Variants in CATSPERG observed in about 807,000 individuals in gnomAD.
CATSPERG encodes the protein catsper channel auxiliary subunit gamma, also known as cation channel sperm-associated auxiliary subunit gamma.
Under a neutral mutation model 145.0 loss-of-function variants are expected in CATSPERG, and 115 were observed. The observed-to-expected ratio is 0.79, with a 90% CI of 0.68 to 0.93. The LOEUF (loss-of-function observed/expected upper bound fraction) is 0.93. CATSPERG is among the 40% of genes least tolerant of loss of function. CATSPERG has a pLI of 0.00. For synonymous variants in CATSPERG, 588 were observed against 589.0 expected (o/e 1.00, Z 0.02); for missense variants, 1,296 against 1,490.1 (o/e 0.87, Z 2.14).
At chr19:38,369,840 G>C in intron 26 of CATSPERG, 132 bp from the exon 27 acceptor site, 2 of 808,518 alleles carry the variant, frequency 2.5e-6, no homozygotes, top group Admixed American at 1.8e-5. Context: ...AGTGAATGAA[G>C]GAATGAATGA....
At chr19:38,341,425 T>C (rs991880905) in intron 3 of CATSPERG, among the ~76,000 whole-genome samples, 1 of 152,144 alleles carries the variant, frequency 6.6e-6, no homozygotes, top group Admixed American at 6.5e-5. Flanking sequence ...TCCTCTGCAA[T>C]GGGAACTCAG....
chr19:38,359,721 T>G lies in CATSPERG; in HGVS notation c.1608+140T>G. 9 of 1,398,046 alleles carry G rather than the reference T, an allele frequency of 6.4e-6. No individual in the cohort carries two copies. The South Asian group carries it at 1.0e-4, about 16-fold the overall frequency. The allele number at this position is 1,398,046 out of a possible 1,614,324, so 86.6% of individuals were successfully genotyped here. On this transcript the variant is annotated intron_variant, in intron 14 of 28. Coordinates refer to ENST00000409235, the MANE Select transcript of CATSPERG (RefSeq NM_021185.5). ...CTGAGAAAGGGCAGTGAAGCTCCATTTATAACTGAAACTCCTGGAACTCAG... is the reference window on the plus strand; with the variant it reads ...CTGAGAAAGGGCAGTGAAGCTCCATGTATAACTGAAACTCCTGGAACTCAG...
At chr19:38,364,088 G>A (rs1283422413) in intron 20 of CATSPERG, among the ~76,000 whole-genome samples, 1 of 151,512 alleles carries the variant, frequency 6.6e-6, no homozygotes, top group Non-Finnish European at 1.5e-5. Context: ...CTGGCCGGGC[G>A]GGGGGCTGAC....
chr19:38,337,586 T>C lies in CATSPERG; in HGVS notation c.271-7T>C. 6.4e-7 allele frequency: 1 copy of C among 1,551,746 alleles called. No homozygotes were observed. ...TTCTGGACGTGTGGCCTAACCTCTC[T>C]TTGCAGAAATACCTGGGCTTCCCTT... On this transcript the variant is annotated splice_region_variant and splice_polypyrimidine_tract_variant and intron_variant, in intron 2 of 28. Coordinates refer to ENST00000409235, the MANE Select transcript of CATSPERG (RefSeq NM_021185.5).
Position 38,368,118 on chromosome 19 carries a change from C to T in CATSPERG, c.3001C>T (p.His1001Tyr), listed in dbSNP as rs574265967. 2.5e-6 allele frequency: 4 copies of T among 1,614,180 alleles called. No homozygotes were observed. In the South Asian group the frequency reaches 4.4e-5, roughly 18 times the overall value. ...TKDSAFHIMSHESPGIEWLCL... is the reference protein window; with the variant it reads ...TKDSAFHIMSYESPGIEWLCL... Reference sequence around the variant, plus strand: ...AGACTCAGCCTTTCACATCATGTCCCACGAGAGCCCAGGCATCGAGTGAGT... The same window carrying T: ...AGACTCAGCCTTTCACATCATGTCCTACGAGAGCCCAGGCATCGAGTGAGT... The change falls in exon 26 of 29, where the codon CAC (histidine) becomes TAC (tyrosine). Residue 1001 changes from histidine to tyrosine, a missense_variant. His to Tyr is a moderately conservative substitution (Grantham distance 83, BLOSUM62 2). Transcript: ENST00000409235.
chr19:38,352,549 A>G (rs1466447067), intron 8 of CATSPERG, 117 bp downstream of exon 8: 17 of 1,040,274 alleles, frequency 1.6e-5, no homozygotes, highest in Non-Finnish European at 2.3e-5. Context: ...GAACTTGCCA[A>G]GGCCCCAAAT....
intron 20 of CATSPERG, 113 bp downstream of exon 20, chr19:38,362,945 T>C: frequency 1.4e-6 from 1 of 737,642 alleles, no homozygotes; most frequent in Non-Finnish European, 2.2e-6. Context: ...AGTGGAGCGA[T>C]CACTGCATTC....
rs1179843928 is a variant in CATSPERG at position 38,337,455 on chromosome 19, T to C, written c.221T>C (p.Val74Ala). Residue 74 changes from valine (V) to alanine (A), a missense_variant, in exon 2 of 29, where the codon GTG (valine) becomes GCG (alanine). Coordinates refer to ENST00000409235, the MANE Select transcript of CATSPERG (RefSeq NM_021185.5). ...TTTGAGCAAGAGCCCGTGGACACAG[T>C]GAGCAGCTTGTTTCACATGCTGGTG... ...SFFEQEPVDT[V>A]SSLFHMLVDS... The C allele has an allele frequency of 1.3e-6, 2 of 1,552,074 alleles. No homozygotes were observed. The highest frequency in any genetic ancestry group is 1.7e-6 in the Non-Finnish European group (2 of 1,147,078).
Position 38,370,078 on chromosome 19 carries a change from G to A in CATSPERG, c.3113+14G>A, listed in dbSNP as rs184149838. The A allele has an allele frequency of 6.6e-4, 1,072 of 1,613,992 alleles. 6 individuals are homozygous for A. The African/African-American group carries it at 0.012, about 19-fold the overall frequency. On this transcript the variant is annotated intron_variant, in intron 27 of 28. Coordinates refer to ENST00000409235, the MANE Select transcript of CATSPERG (RefSeq NM_021185.5). Reference sequence around the variant, plus strand: ...GGTGAGCAATAGGTGAGCCAGGCAAGTGGCCCAGGTGCGGGTCAGGGGCTG... The same window carrying A: ...GGTGAGCAATAGGTGAGCCAGGCAAATGGCCCAGGTGCGGGTCAGGGGCTG...
In CATSPERG at chr19:38,337,637, C is replaced by T. The variant is rs1200749595; in HGVS notation, c.315C>T (p.Cys105=). The T allele has an allele frequency of 8.4e-6, 13 of 1,551,538 alleles. No homozygotes were observed. Among genetic ancestry groups the T allele is most frequent in the Admixed American group, 2.0e-5 (1 of 50,974 alleles). ...FPYYLKINYS[C]EEKPSEDLVR... ...ACTACCTGAAGATCAACTACTCCTGCGAGGAAAAGGTGAGTGGGTGCAGCA... is the reference window on the plus strand; with the variant it reads ...ACTACCTGAAGATCAACTACTCCTGTGAGGAAAAGGTGAGTGGGTGCAGCA... The change falls in exon 3 of 29, where the codon TGC becomes TGT. Residue 105 remains cysteine, a synonymous_variant. Coordinates refer to ENST00000409235, the MANE Select transcript of CATSPERG (RefSeq NM_021185.5).
chr19:38,353,073 C>T (rs2145085913), intron 8 of CATSPERG, among the ~76,000 whole-genome samples: 1 of 146,294 alleles, frequency 6.8e-6, no homozygotes, highest in East Asian at 2.1e-4. Context: ...GTGGCTCATG[C>T]CTGTAATCCT....
At chr19:38,350,796 C>T (rs1225947685) in intron 7 of CATSPERG, among the ~76,000 whole-genome samples, 4 of 152,122 alleles carry the variant, frequency 2.6e-5, no homozygotes, top group Non-Finnish European at 5.9e-5. Context: ...CGAGACCAGC[C>T]TGGCCAACAT....
chr19:38,363,973 T>C (rs546356719), intron 20 of CATSPERG, among the ~76,000 whole-genome samples: 1,992 of 152,366 alleles, frequency 0.013, 11 homozygotes, highest in Non-Finnish European at 0.021. Context: ...CTCAATGAGC[T>C]GTTGGGCATA....
Position 38,343,578 on chromosome 19 carries a change from A to G in CATSPERG, c.325-2A>G. On this transcript the variant is annotated splice_acceptor_variant, in intron 3 of 28. Transcript: ENST00000409235. LOFTEE classifies it high-confidence loss of function. ...ACACTTGTGGGGCCATCTCACCCTCAGCCCTCTGAGGACCTGGTGCGCATG... is the reference window on the plus strand; with the variant it reads ...ACACTTGTGGGGCCATCTCACCCTCGGCCCTCTGAGGACCTGGTGCGCATG... 3 of 1,546,042 alleles carry G rather than the reference A, an allele frequency of 1.9e-6. No individual in the cohort carries two copies. The highest frequency in any genetic ancestry group is 2.6e-6 in the Non-Finnish European group (3 of 1,144,218).
intron 22 of CATSPERG, chr19:38,366,855 G>T: frequency 3.1e-6 from 1 of 323,140 alleles, no homozygotes; most frequent in Non-Finnish European, 5.7e-6. Context: ...CACACACCCA[G>T]CTAATTTTTT....
rs1392002394 is a variant in CATSPERG at position 38,367,871 on chromosome 19, T to C, written c.2930+95T>C. 6 of 1,276,380 alleles carry C rather than the reference T, an allele frequency of 4.7e-6. No homozygotes were observed. In the African/African-American group the frequency reaches 5.9e-5, roughly 12 times the overall value. The allele number at this position is 1,276,380 out of a possible 1,614,324, so 79.1% of individuals were successfully genotyped here. On this transcript the variant is annotated intron_variant, in intron 25 of 28. Coordinates refer to ENST00000409235, the MANE Select transcript of CATSPERG (RefSeq NM_021185.5). ...AGCCCACCTCGCAAGCCCCCACCTC[T>C]GCGTCTCAGGCCCTGCCCACAGTGG... is the stretch of plus-strand genomic sequence containing the variant.
chr19:38,341,649 C>T (rs892864770), intron 3 of CATSPERG, among the ~76,000 whole-genome samples: 1 of 152,150 alleles, frequency 6.6e-6, no homozygotes, highest in Admixed American at 6.5e-5. Flanking sequence ...TGCCTGTAAT[C>T]CCAGCACTTT....
At chr19:38,366,721 GAC>G (rs1255898367) in intron 22 of CATSPERG, 1 of 147,014 alleles carries the variant, frequency 6.8e-6, no homozygotes, top group Non-Finnish European at 1.5e-5. Flanking sequence ...TTTTTTTTGA[GAC>G]AGAGTCCTGC....
At chr19:38,343,543 C>A in intron 3 of CATSPERG, 37 bp from the exon 4 acceptor site, 2 of 1,512,692 alleles carry the variant, frequency 1.3e-6, no homozygotes, top group African/African-American at 1.4e-5. Context: ...CCAGAGGCTA[C>A]CATAAGGACA....
Sources: gnomAD v4.1 joint callset for allele counts (sites outside exome capture counted in the v4.1 genomes callset) on GRCh38, gnomAD v4.1.1 for gene constraint, MANE v1.5 for transcripts, NCBI Gene and HGNC (gene_info 2026-07-23, HGNC 2026-07-21) for gene names.